The following NRG1 variants were observed in gnomAD, a reference collection of about 807,000 sequenced individuals.
NRG1 encodes pro-neuregulin-1, membrane-bound isoform.
NRG1 carries 18 observed loss-of-function variants against 63.8 expected under a neutral mutation model. The observed-to-expected ratio is 0.28, with a 90% CI of 0.19 to 0.42. NRG1 has a LOEUF of 0.42. Among genes scored for constraint, NRG1 ranks in the 10% least tolerant of loss-of-function variants. The pLI, the probability that NRG1 is intolerant of heterozygous loss-of-function variation, is 1.00. For missense variants in NRG1, 762 were observed against 814.7 expected (o/e 0.94, Z 0.79); for synonymous variants, 302 against 301.3 (o/e 1.00, Z -0.02).
intron 1 of NRG1, among the ~76,000 whole-genome samples, chr8:32,355,877 G>A (rs1806318223): frequency 6.6e-6 from 1 of 152,186 alleles, no homozygotes; most frequent in Non-Finnish European, 1.5e-5. Flanking sequence ...ACTCAGCATA[G>A]TGTTAATGGT....
intron 1 of NRG1, among the ~76,000 whole-genome samples, chr8:31,682,268 A>G (rs766268996): frequency 6.6e-6 from 1 of 152,008 alleles, no homozygotes; most frequent in Non-Finnish European, 1.5e-5. Flanking sequence ...TCCCACCAGC[A>G]CTGAATTCCC....
At chr8:32,136,481 C>G (rs560736112) in intron 1 of NRG1, among the ~76,000 whole-genome samples, 111 of 152,178 alleles carry the variant, frequency 7.3e-4, no homozygotes, top group Non-Finnish European at 1.4e-3. Context: ...GCTAAAATCT[C>G]AGATCCTTCA....
At chr8:31,730,625 A>G (rs539639600) in intron 1 of NRG1, among the ~76,000 whole-genome samples, 6 of 152,196 alleles carry the variant, frequency 3.9e-5, no homozygotes, top group Non-Finnish European at 8.8e-5. Context: ...TAGAAGGATT[A>G]TAAAGTCAAA....
At chr8:32,383,481 A>C (rs973351023) in intron 1 of NRG1, among the ~76,000 whole-genome samples, 3 of 152,068 alleles carry the variant, frequency 2.0e-5, no homozygotes, top group Non-Finnish European at 4.4e-5. Flanking sequence ...ACTTTCTCCT[A>C]CCTCCTCCTT....
intron 1 of NRG1, among the ~76,000 whole-genome samples, chr8:31,724,352 G>A (rs1251287029): frequency 6.6e-6 from 1 of 152,060 alleles, no homozygotes; most frequent in Non-Finnish European, 1.5e-5. Context: ...TACTGTATTT[G>A]CATGAGAAAT....
intron 1 of NRG1, among the ~76,000 whole-genome samples, chr8:31,958,229 A>G (rs327398): frequency 0.03 from 4,585 of 152,300 alleles, 200 homozygotes; most frequent in African/African-American, 0.1. Context: ...AAATGGAATG[A>G]ACATCCAATA....
chr8:31,699,519 C>T (rs1482448213), intron 1 of NRG1, among the ~76,000 whole-genome samples: 2 of 152,092 alleles, frequency 1.3e-5, no homozygotes, highest in Non-Finnish European at 2.9e-5. Context: ...TGATGAAGTA[C>T]TCCCAATACT....
chr8:32,434,535 C>A (rs995863168), intron 1 of NRG1, among the ~76,000 whole-genome samples: 2 of 152,108 alleles, frequency 1.3e-5, no homozygotes, highest in African/African-American at 2.4e-5. Flanking sequence ...AAGCCCAGAT[C>A]GGGACCCACC....
At chr8:31,846,282 G>GT (rs1424610284) in intron 1 of NRG1, among the ~76,000 whole-genome samples, 40 of 152,310 alleles carry the variant, frequency 2.6e-4, no homozygotes, top group African/African-American at 9.4e-4. Context: ...CTTGAGTACT[G>GT]TAAGTCCTGT....
intron 1 of NRG1, among the ~76,000 whole-genome samples, chr8:32,031,149 C>T (rs766275659): frequency 6.6e-6 from 1 of 152,082 alleles, no homozygotes; most frequent in Non-Finnish European, 1.5e-5. Context: ...CAGCACAGGC[C>T]CCTTGTGCTA....
At chr8:31,692,856 C>A (rs183947149) in intron 1 of NRG1, among the ~76,000 whole-genome samples, 52 of 152,242 alleles carry the variant, frequency 3.4e-4, no homozygotes, top group Non-Finnish European at 5.9e-4. Context: ...GGGTTGGAAC[C>A]TGAATAGGAA....
In NRG1 at chr8:31,761,844, T is replaced by C. The variant is rs528994729; in HGVS notation, c.37+122413T>C. On this transcript the variant is annotated intron_variant, in intron 1 of 10. Coordinates refer to the NRG1 transcript ENST00000519301. ...GAAGCACATGCTGTTGGAAAAATGATGCTGATAGACTTGCTGAATGCAGGG... is the reference window on the plus strand; with the variant it reads ...GAAGCACATGCTGTTGGAAAAATGACGCTGATAGACTTGCTGAATGCAGGG... Among the ~76,000 whole-genome samples the C allele has an allele frequency of 7.2e-4, 109 of 152,326 alleles. 1 individual carries two copies. The highest frequency in any genetic ancestry group is 2.5e-3 in the African/African-American group (106 of 41,578).
intron 1 of NRG1, among the ~76,000 whole-genome samples, chr8:31,849,281 T>A (rs1826988775): frequency 6.6e-6 from 1 of 152,168 alleles, no homozygotes; most frequent in Non-Finnish European, 1.5e-5. Context: ...AAACCCAGGA[T>A]TTCCAACCTT....
At chr8:32,395,608 CT>C (rs541452250) in intron 1 of NRG1, among the ~76,000 whole-genome samples, 3,697 of 146,560 alleles carry the variant, frequency 0.025, 112 homozygotes, top group African/African-American at 0.075. Context: ...TGAGTTATAA[CT>C]TTTTTTTTTT....
intron 1 of NRG1, among the ~76,000 whole-genome samples, chr8:32,436,153 G>A (rs1193452469): frequency 6.6e-6 from 1 of 152,132 alleles, no homozygotes; most frequent in Non-Finnish European, 1.5e-5. Context: ...GAAAGTGACA[G>A]GCACATCTTA....
At chr8:32,553,944 A>G (rs1215446521) in intron 1 of NRG1, among the ~76,000 whole-genome samples, 5 of 152,204 alleles carry the variant, frequency 3.3e-5, no homozygotes, top group Non-Finnish European at 7.4e-5. Flanking sequence ...TACCAAATCA[A>G]TGTTCTGTTA....
intron 1 of NRG1, among the ~76,000 whole-genome samples, chr8:32,411,066 G>A (rs1814870100): frequency 6.6e-6 from 1 of 151,998 alleles, no homozygotes; most frequent in Admixed American, 6.6e-5. Flanking sequence ...AGTAGAGACA[G>A]GGTTTCACCA....
At chr8:32,143,539 G>C (rs1313360825) in intron 1 of NRG1, among the ~76,000 whole-genome samples, 2 of 152,270 alleles carry the variant, frequency 1.3e-5, no homozygotes, top group East Asian at 3.9e-4. Context: ...GTGCCCCATT[G>C]AGTTGAAATA....
At chr8:32,610,050 A>G (rs1846105313) in intron 3 of NRG1, among the ~76,000 whole-genome samples, 1 of 152,092 alleles carries the variant, frequency 6.6e-6, no homozygotes, top group Admixed American at 6.5e-5. Context: ...CTATTACATT[A>G]TGTAGAACTC....
Sources: gnomAD v4.1 joint callset for allele counts (sites outside exome capture counted in the v4.1 genomes callset) on GRCh38, gnomAD v4.1.1 for gene constraint, MANE v1.5 for transcripts, NCBI Gene and HGNC (gene_info 2026-07-23, HGNC 2026-07-21) for gene names.